ORC5: variants seen among roughly 807,000 people sequenced by gnomAD.
ORC5 encodes protein phosphatase 1, regulatory subunit 117.
Under a neutral mutation model 58.8 loss-of-function variants are expected in ORC5, and 39 were observed. The ratio of observed to expected loss-of-function variants is 0.66; its 90% CI spans 0.51 to 0.87. The LOEUF is 0.87. Ranked by LOEUF, ORC5 falls within the 40% of genes least tolerant of loss-of-function variation. ORC5 has a pLI of 0.00. For synonymous variants in ORC5, 218 were observed against 177.6 expected (o/e 1.23, Z -1.81); for missense variants, 493 against 506.3 (o/e 0.97, Z 0.25).
intron 8 of ORC5, among the ~76,000 whole-genome samples, chr7:104,181,190 G>A (rs1799424406): frequency 6.6e-6 from 1 of 152,066 alleles, no homozygotes; most frequent in Non-Finnish European, 1.5e-5. Context: ...TTAGTTTTTT[G>A]CTTGTTTTTG....
chr7:104,131,870 AG>A (rs1798517610), intron 13 of ORC5, among the ~76,000 whole-genome samples: 1 of 151,650 alleles, frequency 6.6e-6, no homozygotes, highest in Non-Finnish European at 1.5e-5. Flanking sequence ...AAAAAGAAAA[AG>A]AAAAAAGAAA....
intron 1 of ORC5, among the ~76,000 whole-genome samples, chr7:104,205,360 T>C (rs1454675806): frequency 6.6e-6 from 1 of 152,158 alleles, no homozygotes; most frequent in Non-Finnish European, 1.5e-5. Flanking sequence ...AGTGCTGGGA[T>C]TACAGGTGTG....
chr7:104,165,873 C>A (rs1380050286), intron 10 of ORC5: 1 of 152,554 alleles, frequency 6.6e-6, no homozygotes, highest in Non-Finnish European at 1.5e-5. Flanking sequence ...TGGGACCAGC[C>A]TGGCCAACAT....
chr7:104,175,621 GAGTT>G (rs1245396610), intron 8 of ORC5, among the ~76,000 whole-genome samples: 5 of 152,142 alleles, frequency 3.3e-5, no homozygotes, highest in African/African-American at 4.8e-5. Context: ...ATGTTTATAA[GAGTT>G]AGGCTCTCAG....
At chr7:104,166,382 A>G (rs191644743) in intron 10 of ORC5, among the ~76,000 whole-genome samples, 2 of 152,328 alleles carry the variant, frequency 1.3e-5, no homozygotes, top group Admixed American at 6.5e-5. Context: ...AAACAACTCT[A>G]AACTGGGATT....
chr7:104,137,083 T>C (rs888422027), intron 12 of ORC5, among the ~76,000 whole-genome samples, 190 bp from the exon 13 acceptor site: 2 of 151,878 alleles, frequency 1.3e-5, no homozygotes, highest in African/African-American at 4.8e-5. Flanking sequence ...CCAAGACTAG[T>C]TGTCAGAGTC....
At chr7:104,190,310 G>A (rs1207883951) in intron 5 of ORC5, among the ~76,000 whole-genome samples, 1 of 152,050 alleles carries the variant, frequency 6.6e-6, no homozygotes, top group Non-Finnish European at 1.5e-5. Flanking sequence ...GGAAGAAAAA[G>A]GGGATAGTAC....
intron 3 of ORC5, among the ~76,000 whole-genome samples, chr7:104,199,207 A>C (rs1008666829): frequency 7.9e-5 from 12 of 152,262 alleles, no homozygotes; most frequent in African/African-American, 2.9e-4. Flanking sequence ...GAGCTATGAG[A>C]AGAGGGCCAC....
Position 104,197,944 on chromosome 7 carries a change from G to T in ORC5, c.367-145C>A, listed in dbSNP as rs1027684323. On this transcript the variant is annotated intron_variant, in intron 3 of 13. Coordinates refer to ENST00000297431, the MANE Select transcript of ORC5 (RefSeq NM_002553.4). The stretch of plus-strand genomic sequence containing the variant: ...TATTGGGAAGAGAAGCTGCATAAAA[G>T]ATGATTAAGTCATAAGGGCTCTGTC... 13 of 539,630 alleles carry T rather than the reference G, an allele frequency of 2.4e-5. No homozygotes were observed. The East Asian group carries it at 3.8e-4, about 16-fold the overall frequency. The allele number at this position is 539,630 out of a possible 1,614,324, so 33.4% of individuals were successfully genotyped here.
At chr7:104,156,558 T>G (rs1798928531) in intron 12 of ORC5, among the ~76,000 whole-genome samples, 1 of 151,732 alleles carries the variant, frequency 6.6e-6, no homozygotes, top group African/African-American at 2.4e-5. Flanking sequence ...AAACTTTTGC[T>G]TCAGGAGAAT....
intron 4 of ORC5, among the ~76,000 whole-genome samples, chr7:104,197,127 G>A (rs1799818351): frequency 6.6e-6 from 1 of 152,174 alleles, no homozygotes; most frequent in Non-Finnish European, 1.5e-5. Flanking sequence ...GTGACTTTAA[G>A]TGCAACATAT....
At chr7:104,182,886 G>A (rs1252306348) in intron 8 of ORC5, among the ~76,000 whole-genome samples, 1 of 152,128 alleles carries the variant, frequency 6.6e-6, no homozygotes, top group Non-Finnish European at 1.5e-5. Flanking sequence ...TGTAATCCCA[G>A]CACTTTGGGA....
intron 13 of ORC5, among the ~76,000 whole-genome samples, chr7:104,135,746 G>T (rs1282513407): frequency 6.6e-6 from 1 of 152,160 alleles, no homozygotes. Flanking sequence ...CTGATATCAA[G>T]CACTGTTTTA....
At chr7:104,127,013 T>C (rs1798439449) in intron 13 of ORC5, 120 bp from the exon 14 acceptor site, 1 of 590,168 alleles carries the variant, frequency 1.7e-6, no homozygotes. Context: ...TATAGTGCTA[T>C]CAAATGCACC....
At chr7:104,157,535 A>AT in intron 12 of ORC5, among the ~76,000 whole-genome samples, 1 of 152,030 alleles carries the variant, frequency 6.6e-6, no homozygotes, top group South Asian at 2.1e-4. Flanking sequence ...ACAAAGATAC[A>AT]TTTTGGGCCA....
rs1246331675 is a variant in ORC5, at chr7:104,202,059, C to T, written c.166-1101G>A. 4.6e-5 allele frequency among the ~76,000 whole-genome samples: 7 copies of T among 152,108 alleles called. No individual in the cohort carries two copies. In the East Asian group the frequency reaches 1.4e-3, roughly 29 times the overall value. ...GAGCTATGATCATAACACTGCACTC[C>T]AACCTGGGCAATAGAGCAAGACCCC... On this transcript the variant is annotated intron_variant, in intron 2 of 13. Coordinates refer to ENST00000297431, the MANE Select transcript of ORC5 (RefSeq NM_002553.4).
At chr7:104,174,632 T>C (rs1053006566) in intron 8 of ORC5, among the ~76,000 whole-genome samples, 3 of 152,164 alleles carry the variant, frequency 2.0e-5, no homozygotes, top group African/African-American at 4.8e-5. Flanking sequence ...GTATCGCTAA[T>C]AATTGGTCAC....
Position 104,165,471 on chromosome 7 carries a change from TG to T in ORC5, c.991-190del, listed in dbSNP as rs1799092200. 5 of 424,274 alleles carry T rather than the reference TG, an allele frequency of 1.2e-5. No homozygotes were observed. The South Asian group carries it at 2.2e-4, about 18-fold the overall frequency. The allele number at this position is 424,274 out of a possible 1,614,324, so 26.3% of individuals were successfully genotyped here. On this transcript the variant is annotated intron_variant, in intron 10 of 13. Coordinates refer to ENST00000297431, the MANE Select transcript of ORC5 (RefSeq NM_002553.4). ...ATTTTAGGCCAATTTCGTTTAGACT[TG>T]GATTGGATATAAAATTACTTTTGCA...
chr7:104,150,958 T>C (rs1306957740), intron 12 of ORC5, among the ~76,000 whole-genome samples: 5 of 152,148 alleles, frequency 3.3e-5, no homozygotes, highest in Admixed American at 3.3e-4. Context: ...AAGTGCAGAT[T>C]CACTGAGAAA....
Sources: gnomAD v4.1 joint callset for allele counts (sites outside exome capture counted in the v4.1 genomes callset) on GRCh38, gnomAD v4.1.1 for gene constraint, MANE v1.5 for transcripts, NCBI Gene and HGNC (gene_info 2026-07-23, HGNC 2026-07-21) for gene names.